Variants in ARPP21 observed in about 807,000 individuals in gnomAD.
The protein encoded by ARPP21 is cAMP-regulated phosphoprotein 21.
A neutral mutation model predicts 113.2 loss-of-function variants in ARPP21; 69 were observed. The observed-to-expected ratio is 0.61, with a 90% CI of 0.50 to 0.74. The LOEUF (loss-of-function observed/expected upper bound fraction) is 0.74. ARPP21 is among the 30% of genes least tolerant of loss of function. The pLI, the probability that ARPP21 is intolerant of heterozygous loss-of-function variation, is 0.00. For missense variants in ARPP21, 1,070 were observed against 1,037.4 expected, an observed-to-expected ratio of 1.03 and a Z score of -0.43; for synonymous variants, 368 against 375.5, an observed-to-expected ratio of 0.98 and a Z score of 0.23.
At chr3:35,695,736 T>C (rs1482611045) in intron 9 of ARPP21, among the ~76,000 whole-genome samples, 1 of 151,576 alleles carries the variant, frequency 6.6e-6, no homozygotes, top group Non-Finnish European at 1.5e-5. Context: ...AGCTGGAGTA[T>C]GGGCTATAAA....
Position 35,717,228 on chromosome 3 carries a change from A to G in ARPP21, c.936-70A>G, listed in dbSNP as rs377453428. On this transcript the variant is annotated intron_variant, in intron 12 of 20. Coordinates refer to ENST00000684406, the MANE Select transcript of ARPP21 (RefSeq NM_001385562.1). ...TGATTTGTGCTGTAGTAGAGTACAC[A>G]TCCATGTAAACACAAGGCATTTAGT... The G allele has an allele frequency of 4.1e-5, 35 of 847,528 alleles. No homozygotes were observed. The African/African-American group carries it at 5.2e-4, about 13-fold the overall frequency. The allele number at this position is 847,528 out of a possible 1,614,324, so 52.5% of individuals were successfully genotyped here.
At chr3:35,694,378 T>A (rs937368885) in intron 9 of ARPP21, among the ~76,000 whole-genome samples, 1 of 151,528 alleles carries the variant, frequency 6.6e-6, no homozygotes, top group African/African-American at 2.4e-5. Context: ...CCCTTACTTA[T>A]AATAACATTG....
intron 7 of ARPP21, 74 bp downstream of exon 7, chr3:35,689,459 AC>A: frequency 1.3e-6 from 1 of 787,576 alleles, no homozygotes; most frequent in Non-Finnish European, 2.2e-6. Context: ...TTAATCCAAC[AC>A]TTCTAAGAAA....
Position 35,709,022 on chromosome 3 carries a change from G to C in ARPP21, c.849G>C (p.Glu283Asp). Residue 283 changes from glutamate (E) to aspartate (D), a missense_variant, in exon 11 of 21, where the codon GAG (glutamate) becomes GAC (aspartate). Transcript: ENST00000684406. ...ACAGACGAAGTAAATCAATTGAAGA[G>C]AGAGAAGAGGAATATCAGAGAGTGA... ...RDDRRSKSIE[E>D]REEEYQRVRE... The C allele has an allele frequency of 1.2e-6, 2 of 1,613,868 alleles. No individual in the cohort carries two copies. Among genetic ancestry groups the C allele is most frequent in the Non-Finnish European group, 1.7e-6 (2 of 1,179,766 alleles).
chr3:35,686,340 G>T (rs1356337164), intron 5 of ARPP21, among the ~76,000 whole-genome samples: 1 of 151,684 alleles, frequency 6.6e-6, no homozygotes, highest in African/African-American at 2.4e-5. Context: ...TTACACTCAG[G>T]TTTTACAAAG....
intron 14 of ARPP21, among the ~76,000 whole-genome samples, chr3:35,724,214 G>C (rs1438195461): frequency 2.0e-5 from 3 of 152,132 alleles, no homozygotes; most frequent in Admixed American, 6.6e-5. Context: ...TTCTCTTGAG[G>C]CCTGGGCTGC....
chr3:35,792,613 G>A, intron 20 of ARPP21, 83 bp downstream of exon 20: 1 of 1,329,096 alleles, frequency 7.5e-7, no homozygotes, highest in South Asian at 1.2e-5. Context: ...CCTGGTTTGG[G>A]TGGCTGGCTG....
chr3:35,792,695 T>A (rs2096770424), intron 20 of ARPP21, among the ~76,000 whole-genome samples, 165 bp downstream of exon 20: 1 of 152,230 alleles, frequency 6.6e-6, no homozygotes, highest in African/African-American at 2.4e-5. Context: ...AAGTAGAAAA[T>A]GCAAAATACA....
At chr3:35,643,669 G>A (rs773448663) in intron 1 of ARPP21, 1 of 152,064 alleles carries the variant, frequency 6.6e-6, no homozygotes, top group South Asian at 2.1e-4. Flanking sequence ...ATTCTCATTA[G>A]TGTGAGGAGA....
chr3:35,748,681 C>T (rs1345225248), intron 19 of ARPP21, among the ~76,000 whole-genome samples: 1 of 152,208 alleles, frequency 6.6e-6, no homozygotes, highest in Non-Finnish European at 1.5e-5. Context: ...ACAAACATTT[C>T]ATTCCTTAAT....
rs535145550 is a variant in ARPP21, at chr3:35,721,724, G to T, written c.1115G>T (p.Arg372Leu). Reference sequence around the variant, plus strand: ...AGCACAGACTCCGACAGTTCCAACCGCAATCTAAAGCCCGCCATGACCAAG... The same window carrying T: ...AGCACAGACTCCGACAGTTCCAACCTCAATCTAAAGCCCGCCATGACCAAG... ...WSSTDSDSSNRNLKPAMTKTA... is the reference protein window; with the variant it reads ...WSSTDSDSSNLNLKPAMTKTA... The change falls in exon 14 of 21, where the codon CGC becomes CTC. Residue 372 changes from arginine to leucine, a missense_variant. Coordinates refer to ENST00000684406, the MANE Select transcript of ARPP21 (RefSeq NM_001385562.1). The T allele has an allele frequency of 3.4e-5, 55 of 1,613,654 alleles. No individual in the cohort carries two copies. The South Asian group carries it at 5.6e-4, about 16-fold the overall frequency.
At chr3:35,647,658 T>G (rs1700750976) in intron 1 of ARPP21, among the ~76,000 whole-genome samples, 3 of 152,198 alleles carry the variant, frequency 2.0e-5, no homozygotes, top group Non-Finnish European at 4.4e-5. Context: ...AATATGCAAT[T>G]CACCACATGA....
At chr3:35,783,737 C>T (rs1251899268) in intron 19 of ARPP21, among the ~76,000 whole-genome samples, 2 of 152,146 alleles carry the variant, frequency 1.3e-5, no homozygotes, top group African/African-American at 4.8e-5. Flanking sequence ...AGTTTTATAG[C>T]ACGCTTTTCA....
At chr3:35,719,021 A>C (rs929992921) in intron 13 of ARPP21, among the ~76,000 whole-genome samples, 2 of 129,518 alleles carry the variant, frequency 1.5e-5, no homozygotes, top group African/African-American at 2.5e-5. Flanking sequence ...CTTGGAATGA[A>C]ATTCTAGTTA....
intron 19 of ARPP21, among the ~76,000 whole-genome samples, chr3:35,785,660 G>A (rs930479414): frequency 3.9e-5 from 6 of 152,194 alleles, no homozygotes; most frequent in Admixed American, 2.0e-4. Context: ...AATGACCCAT[G>A]CATGAATGTT....
chr3:35,669,995 T>C (rs2075922253), intron 1 of ARPP21, among the ~76,000 whole-genome samples: 1 of 152,142 alleles, frequency 6.6e-6, no homozygotes, highest in Non-Finnish European at 1.5e-5. Context: ...TGAGTTCAGA[T>C]TGACTGTGAC....
At chr3:35,738,343 T>C in intron 17 of ARPP21, 25 bp downstream of exon 17, 1 of 1,492,008 alleles carries the variant, frequency 6.7e-7, no homozygotes, top group Non-Finnish European at 9.0e-7. Context: ...GTATATGACT[T>C]TTTCCCCTAG....
At chr3:35,684,984 G>T in intron 5 of ARPP21, 1 of 983,456 alleles carries the variant, frequency 1.0e-6, no homozygotes, top group Non-Finnish European at 1.2e-6. Flanking sequence ...TGAAAAGGGA[G>T]AATAATGTGA....
At chr3:35,764,464 T>C (rs2095883390) in intron 19 of ARPP21, among the ~76,000 whole-genome samples, 1 of 152,136 alleles carries the variant, frequency 6.6e-6, no homozygotes, top group Non-Finnish European at 1.5e-5. Context: ...TTTCTTCTCT[T>C]CAATGGCTGA....
Sources: allele counts gnomAD v4.1 joint callset (sites outside exome capture counted in the v4.1 genomes callset), GRCh38; gene constraint gnomAD v4.1.1; transcripts MANE v1.5; gene names NCBI Gene and HGNC (gene_info 2026-07-23, HGNC 2026-07-21).